Variants in RBFOX1 observed in about 807,000 individuals in gnomAD.
The protein encoded by RBFOX1 is RNA binding protein fox-1 homolog 1.
In RBFOX1, 8 loss-of-function variants were observed where a neutral mutation model predicts 57.7. That is an observed-to-expected ratio of 0.14 (90% confidence interval 0.08 to 0.25). The LOEUF (loss-of-function observed/expected upper bound fraction) is 0.25, where lower values mean the gene tolerates loss of function less well. Among genes scored for constraint, RBFOX1 ranks in the 10% least tolerant of loss-of-function variants. The pLI is 1.00. For missense variants in RBFOX1, 611 were observed against 548.5 expected (o/e 1.11, Z -1.14); for synonymous variants, 326 against 222.4 (o/e 1.47, Z -4.15).
At chr16:6,409,266 T>C (rs1275258317) in intron 2 of RBFOX1, among the ~76,000 whole-genome samples, 1 of 151,910 alleles carries the variant, frequency 6.6e-6, no homozygotes, top group African/African-American at 2.4e-5. Context: ...ATACAAAAAT[T>C]AGCTGGGCAT....
chr16:5,720,882 C>G (rs191509004), intron 3 of RBFOX1, among the ~76,000 whole-genome samples: 1 of 152,078 alleles, frequency 6.6e-6, no homozygotes, highest in South Asian at 2.1e-4. Context: ...CAACTTTGTT[C>G]TTAGTTTTCA....
intron 3 of RBFOX1, among the ~76,000 whole-genome samples, chr16:7,001,247 G>C (rs988308452): frequency 6.6e-6 from 1 of 152,040 alleles, no homozygotes; most frequent in Non-Finnish European, 1.5e-5. Context: ...ATGTCTTTCT[G>C]CTGTCTCCTT....
At chr16:7,556,990 C>A (rs2088738378) in intron 5 of RBFOX1, among the ~76,000 whole-genome samples, 1 of 152,220 alleles carries the variant, frequency 6.6e-6, no homozygotes, top group Non-Finnish European at 1.5e-5. Context: ...TCCTCCTCAT[C>A]ATATGGATAT....
intron 4 of RBFOX1, among the ~76,000 whole-genome samples, chr16:7,113,527 G>T (rs761913594): frequency 3.9e-5 from 6 of 152,082 alleles, no homozygotes; most frequent in Non-Finnish European, 7.3e-5. Flanking sequence ...CTACTTAGAT[G>T]TATTGTAACA....
At chr16:7,671,561 G>A in intron 13 of RBFOX1, 3 of 1,609,932 alleles carry the variant, frequency 1.9e-6, no homozygotes, top group Non-Finnish European at 2.6e-6. Context: ...TTATAGAGTA[G>A]TGTATCAAGA....
chr16:5,951,660 C>T (rs1016167521), intron 4 of RBFOX1, among the ~76,000 whole-genome samples: 6 of 152,112 alleles, frequency 3.9e-5, no homozygotes, highest in Admixed American at 1.3e-4. Flanking sequence ...AGTCCCTGCA[C>T]TGCTGAGTCT....
intron 1 of RBFOX1, chr16:5,270,578 C>G: frequency 5.1e-6 from 3 of 588,274 alleles, no homozygotes; most frequent in Non-Finnish European, 6.3e-6. Context: ...TTACTTCTTT[C>G]ATCTGTTTTG....
intron 2 of RBFOX1, among the ~76,000 whole-genome samples, chr16:6,353,628 T>C (rs535677822): frequency 1.3e-5 from 2 of 152,122 alleles, no homozygotes; most frequent in Non-Finnish European, 2.9e-5. Context: ...TAAGATTCCT[T>C]TGAATTCAAA....
chr16:6,587,010 T>TTGTGTG (rs140293624), intron 2 of RBFOX1, among the ~76,000 whole-genome samples: 2 of 150,682 alleles, frequency 1.3e-5, no homozygotes, highest in African/African-American at 4.9e-5. Context: ...CCCCTGTTTA[T>TTGTGTG]TGTGTGTGTG....
chr16:7,608,440 A>G (rs543854452), intron 10 of RBFOX1, among the ~76,000 whole-genome samples: 17 of 152,224 alleles, frequency 1.1e-4, no homozygotes, highest in African/African-American at 4.1e-4. Flanking sequence ...GTTGTTCTTC[A>G]TGTATGAGTT....
At chr16:5,489,624 A>G (rs2042759201) in intron 2 of RBFOX1, among the ~76,000 whole-genome samples, 1 of 152,022 alleles carries the variant, frequency 6.6e-6, no homozygotes, top group South Asian at 2.1e-4. Context: ...AGCTGGTGGT[A>G]TTATTGTTGC....
intron 3 of RBFOX1, among the ~76,000 whole-genome samples, chr16:7,015,519 C>G (rs1258434465): frequency 6.6e-6 from 1 of 152,108 alleles, no homozygotes; most frequent in Non-Finnish European, 1.5e-5. Context: ...TTTTCCCTTC[C>G]CAAATCAAGC....
Position 6,411,358 on chromosome 16 carries a change from A to G in RBFOX1, c.-64+94301A>G, listed in dbSNP as rs566011295. ...ATGTGCTGTACATAGCTTGATCAAAATGGCAAAAATGTATATGTTTATGAC... is the reference window on the plus strand; with the variant it reads ...ATGTGCTGTACATAGCTTGATCAAAGTGGCAAAAATGTATATGTTTATGAC... On this transcript the variant is annotated intron_variant, in intron 2 of 15. Transcript: ENST00000550418. 1.8e-4 allele frequency among the ~76,000 whole-genome samples: 27 copies of G among 152,318 alleles called. 1 individual carries two copies. The East Asian group carries it at 4.8e-3, about 27-fold the overall frequency.
intron 1 of RBFOX1, among the ~76,000 whole-genome samples, chr16:5,420,041 T>G (rs1476861847): frequency 6.6e-6 from 1 of 151,866 alleles, no homozygotes; most frequent in African/African-American, 2.4e-5. Context: ...TCCAACTGAG[T>G]CCCCTGCCCA....
At chr16:7,408,545 T>C (rs560275266) in intron 4 of RBFOX1, among the ~76,000 whole-genome samples, 3 of 152,298 alleles carry the variant, frequency 2.0e-5, no homozygotes, top group Non-Finnish European at 4.4e-5. Flanking sequence ...TGCCCATCGA[T>C]TGTCCTGAGT....
At chr16:5,612,718 G>T (rs1024371963) in intron 3 of RBFOX1, among the ~76,000 whole-genome samples, 1 of 152,220 alleles carries the variant, frequency 6.6e-6, no homozygotes, top group Admixed American at 6.5e-5. Context: ...TTTAGGAACT[G>T]CTAAAAGATA....
At chr16:6,844,727 G>A (rs1231168247) in intron 3 of RBFOX1, among the ~76,000 whole-genome samples, 3 of 152,134 alleles carry the variant, frequency 2.0e-5, no homozygotes, top group Non-Finnish European at 4.4e-5. Context: ...GGGTCAAATG[G>A]TATTTCTGCA....
intron 4 of RBFOX1, among the ~76,000 whole-genome samples, chr16:7,204,203 G>C (rs1315105437): frequency 2.6e-5 from 4 of 152,158 alleles, no homozygotes; most frequent in African/African-American, 9.7e-5. Flanking sequence ...CATTCTCAAT[G>C]AACCATCTCA....
chr16:6,199,394 G>C (rs887829795), intron 1 of RBFOX1, among the ~76,000 whole-genome samples: 5 of 152,132 alleles, frequency 3.3e-5, no homozygotes, highest in African/African-American at 1.2e-4. Flanking sequence ...TGTGACCATA[G>C]TCTCCCAAAC....
Sources: gnomAD v4.1 joint callset for allele counts (sites outside exome capture counted in the v4.1 genomes callset) on GRCh38, gnomAD v4.1.1 for gene constraint, MANE v1.5 for transcripts, NCBI Gene and HGNC (gene_info 2026-07-23, HGNC 2026-07-21) for gene names.